Variants in MBNL2 observed in about 807,000 individuals in gnomAD.
MBNL2 encodes the protein muscleblind like splicing regulator 2.
A neutral mutation model predicts 41.9 loss-of-function variants in MBNL2; 17 were observed. The ratio of observed to expected loss-of-function variants is 0.41; its 90% CI spans 0.28 to 0.61. MBNL2 has a LOEUF of 0.61. MBNL2 is among the 20% of genes least tolerant of loss of function. The probability of loss-of-function intolerance (pLI) is 0.35; values close to 1 mark genes in which losing one functional copy is unlikely to be tolerated. For missense variants in MBNL2, 336 were observed against 505.6 expected (o/e 0.66, Z 3.22); for synonymous variants, 195 against 182.9 (o/e 1.07, Z -0.53).
At chr13:97,384,422 A>G (rs2065760973) in intron 8 of MBNL2, among the ~76,000 whole-genome samples, 1 of 152,192 alleles carries the variant, frequency 6.6e-6, no homozygotes, top group Non-Finnish European at 1.5e-5. Context: ...GCCTCTGTGC[A>G]GTTTGCTTCA....
At chr13:97,188,974 C>A in the MBNL2 span, among the ~76,000 whole-genome samples, 3 of 152,178 alleles carry the variant, frequency 2.0e-5, no homozygotes, top group African/African-American at 7.2e-5. Context: ...CCGTTAACAC[C>A]ATCTCATCCT....
chr13:97,356,347 G>A (rs2062982848), intron 5 of MBNL2, among the ~76,000 whole-genome samples: 1 of 151,948 alleles, frequency 6.6e-6, no homozygotes, highest in African/African-American at 2.4e-5. Context: ...ATCCTTACTC[G>A]ATGGACTCAT....
the MBNL2 span, among the ~76,000 whole-genome samples, chr13:97,186,146 G>A: frequency 1.3e-5 from 2 of 152,214 alleles, no homozygotes; most frequent in Admixed American, 1.3e-4. Flanking sequence ...AGCACCAAAA[G>A]GGGAGGTGAG....
chr13:97,151,400 TA>T, the MBNL2 span, among the ~76,000 whole-genome samples: 3 of 151,884 alleles, frequency 2.0e-5, no homozygotes, highest in East Asian at 3.9e-4. Context: ...TCAAGGAGGT[TA>T]AAAAAAAGAG....
At chr13:97,296,195 A>G (rs751908605) in intron 2 of MBNL2, among the ~76,000 whole-genome samples, 1 of 152,160 alleles carries the variant, frequency 6.6e-6, no homozygotes, top group Non-Finnish European at 1.5e-5. Flanking sequence ...TTACAAAGTG[A>G]TTGATTTTGA....
At chr13:97,150,606 C>A in the MBNL2 span, among the ~76,000 whole-genome samples, 713 of 152,312 alleles carry the variant, frequency 4.7e-3, 6 homozygotes, top group Non-Finnish European at 8.2e-3. Flanking sequence ...TCACTCAATG[C>A]GGTTCTCACC....
At chr13:97,213,286 C>G in the MBNL2 span, among the ~76,000 whole-genome samples, 1 of 151,918 alleles carries the variant, frequency 6.6e-6, no homozygotes, top group Admixed American at 6.6e-5. Context: ...TAGGCAGAAG[C>G]AGAGATGGAC....
intron 3 of MBNL2, among the ~76,000 whole-genome samples, chr13:97,335,189 G>T (rs1469558650): frequency 6.6e-6 from 1 of 152,142 alleles, no homozygotes; most frequent in Non-Finnish European, 1.5e-5. Context: ...TAAAGGTCTG[G>T]AAATTGTTTT....
the MBNL2 span, among the ~76,000 whole-genome samples, chr13:97,176,150 C>T: frequency 2.0e-5 from 3 of 152,142 alleles, no homozygotes; most frequent in African/African-American, 7.2e-5. Context: ...CTCAGCATAT[C>T]CTGGCCAGGG....
chr13:97,361,400 G>T (rs1287128231), intron 7 of MBNL2, among the ~76,000 whole-genome samples: 1 of 152,222 alleles, frequency 6.6e-6, no homozygotes, highest in Non-Finnish European at 1.5e-5. Flanking sequence ...CAGGGTATAT[G>T]CAGAGAGTAG....
At chr13:97,233,222 A>T (rs954957005) in intron 1 of MBNL2, among the ~76,000 whole-genome samples, 173 of 133,790 alleles carry the variant, frequency 1.3e-3, no homozygotes, top group African/African-American at 4.6e-3. Flanking sequence ...CACAACATGC[A>T]GGTTTGTTAC....
rs769230151 is a variant in MBNL2, at chr13:97,347,046, C to T, written c.783C>T (p.Ala261=). The change falls in exon 5 of 9, where the codon GCC becomes GCT. Residue 261 remains alanine (A), a synonymous_variant. Coordinates refer to ENST00000679496, the MANE Select transcript of MBNL2 (RefSeq NM_001382683.1). ...ANQAAVAAQA[A]AAAATVMTQS... The stretch of plus-strand genomic sequence containing the variant: ...AAGCTGCGGTGGCCGCCCAGGCAGC[C>T]GCGGCCGCGGCCACAGTCATGGTAA... 15 of 1,603,536 alleles carry T rather than the reference C, an allele frequency of 9.4e-6. No homozygotes were observed. In the Admixed American group the frequency reaches 1.0e-4, roughly 11 times the overall value.
chr13:97,265,390 G>A (rs540588936), intron 1 of MBNL2, among the ~76,000 whole-genome samples: 1 of 152,296 alleles, frequency 6.6e-6, no homozygotes, highest in East Asian at 1.9e-4. Flanking sequence ...ATATCTGAAA[G>A]TATGTTCCAG....
chr13:97,356,827 C>A lies in MBNL2; in HGVS notation c.836C>A (p.Pro279His), dbSNP rs758788068. 87 of 1,362,708 alleles carry A rather than the reference C, an allele frequency of 6.4e-5. No individual in the cohort carries two copies. The highest frequency in any genetic ancestry group is 5.4e-5 in the Non-Finnish European group (55 of 1,018,016). 84.4% of individuals were successfully genotyped at this position (1,362,708 alleles called of 1,614,324 possible). A position where few individuals can be genotyped will look rare whatever the true frequency, so the allele number is the denominator to read the frequency against. The change falls in exon 6 of 9, where the codon CCT becomes CAT. Residue 279 changes from proline to histidine, a missense_variant. By Grantham distance (77) the Pro-to-His change is moderately conservative (BLOSUM62 -2). Transcript: ENST00000679496. ...TQSTAKAMKR[P>H]LEATVDLAFP... is the part of the protein sequence containing the mutation. ...TCGACTGCCAAAGCAATGAAGCGAC[C>A]TCTCGAAGCAACTGTAGACCTGGTA...
At chr13:97,311,184 A>G (rs772296893) in intron 2 of MBNL2, among the ~76,000 whole-genome samples, 2 of 152,238 alleles carry the variant, frequency 1.3e-5, no homozygotes, top group African/African-American at 4.8e-5. Flanking sequence ...AGAACTGTAA[A>G]GAGCCAGAAT....
intron 5 of MBNL2, among the ~76,000 whole-genome samples, chr13:97,349,606 G>A (rs961072351): frequency 6.6e-6 from 1 of 152,112 alleles, no homozygotes; most frequent in Non-Finnish European, 1.5e-5. Context: ...TGGCTCACTG[G>A]AGCCTCCGCC....
intron 5 of MBNL2, among the ~76,000 whole-genome samples, chr13:97,352,463 G>T (rs541015522): frequency 4.6e-5 from 7 of 152,216 alleles, no homozygotes; most frequent in African/African-American, 1.4e-4. Context: ...GAGAGAGAGG[G>T]GTGATAGCCA....
chr13:97,338,943 C>T (rs2061135439), intron 3 of MBNL2, among the ~76,000 whole-genome samples: 1 of 152,170 alleles, frequency 6.6e-6, no homozygotes, highest in African/African-American at 2.4e-5. Flanking sequence ...TTGGCCATTA[C>T]CCTTGGCTAA....
At chr13:97,296,639 G>T (rs542022896) in intron 2 of MBNL2, among the ~76,000 whole-genome samples, 1 of 152,046 alleles carries the variant, frequency 6.6e-6, no homozygotes, top group Non-Finnish European at 1.5e-5. Context: ...GGATGCTGTC[G>T]ATTTTTCTTT....
Sources: allele counts gnomAD v4.1 joint callset (sites outside exome capture counted in the v4.1 genomes callset), GRCh38; gene constraint gnomAD v4.1.1; transcripts MANE v1.5; gene names NCBI Gene and HGNC (gene_info 2026-07-23, HGNC 2026-07-21).